The following ATG14 variants were observed in gnomAD, a reference collection of about 807,000 sequenced individuals.
ATG14 encodes beclin 1-associated autophagy-related key regulator.
Under a neutral mutation model 60.4 loss-of-function variants are expected in ATG14, and 35 were observed. The ratio of observed to expected loss-of-function variants is 0.58; its 90% CI spans 0.44 to 0.77. ATG14 has a LOEUF of 0.77. Among genes scored for constraint, ATG14 ranks in the 30% least tolerant of loss-of-function variants. The probability of loss-of-function intolerance (pLI) is 0.00; values close to 1 mark genes in which losing one functional copy is unlikely to be tolerated. For missense variants in ATG14, 647 were observed against 626.3 expected (o/e 1.03, Z -0.35); for synonymous variants, 234 against 228.8 (o/e 1.02, Z -0.21).
At position 55,377,805 on chromosome 14, in the gene ATG14, A is replaced by T. The variant is rs1480946002; in HGVS notation, c.1172+14T>A. 2 of 1,547,966 alleles carry T rather than the reference A, an allele frequency of 1.3e-6. No individual in the cohort carries two copies. Among genetic ancestry groups the T allele is most frequent in the East Asian group, 4.5e-5 (2 of 44,504 alleles). ...ACAAAAACACTTAGAGAAAAGCAAC[A>T]AATATCTTCTTACCTGCCTAGGTGT... On this transcript the variant is annotated intron_variant, in intron 9 of 9. Coordinates refer to ENST00000247178, the MANE Select transcript of ATG14 (RefSeq NM_014924.5).
At chr14:55,380,875 A>ATATT (rs377330757) in intron 6 of ATG14, among the ~76,000 whole-genome samples, 185 bp from the exon 7 acceptor site, 5 of 112,728 alleles carry the variant, frequency 4.4e-5, no homozygotes, top group South Asian at 2.9e-4. Context: ...ATATATATAT[A>ATATT]TTTTTTTTTT....
At chr14:55,384,825 G>A (rs1219907007) in intron 5 of ATG14, among the ~76,000 whole-genome samples, 3 of 152,196 alleles carry the variant, frequency 2.0e-5, no homozygotes, top group Admixed American at 6.5e-5. Context: ...GGGAATAAAC[G>A]GAAGCCTTCG....
Position 55,381,953 on chromosome 14 carries a change from G to A in ATG14, c.877+9C>T, listed in dbSNP as rs772528327. The A allele has an allele frequency of 1.2e-6, 2 of 1,606,016 alleles. No homozygotes were observed. Among genetic ancestry groups the A allele is most frequent in the Non-Finnish European group, 1.7e-6 (2 of 1,172,734 alleles). On this transcript the variant is annotated intron_variant, in intron 6 of 9. Coordinates refer to ENST00000247178, the MANE Select transcript of ATG14 (RefSeq NM_014924.5). ...ATATATAGATTTCAAAGGATATGCT[G>A]CTTCTCACCAGGCCCCTGGGTTGTT...
rs1293455961 is a variant in ATG14, at chr14:55,366,883, C to G, written c.*2736G>C. 1 of 151,884 alleles carries G rather than the reference C, an allele frequency of 6.6e-6. No individual in the cohort carries two copies. Among genetic ancestry groups the G allele is most frequent in the Non-Finnish European group, 1.5e-5 (1 of 68,032 alleles). 9.4% of individuals were successfully genotyped at this position (151,884 alleles called of 1,614,324 possible). ...TGAGCAGCAAAAAGAGTAGAAAAAA[C>G]AGTGGTTGAAATGTATACTTAAGAG... On this transcript the variant is annotated 3_prime_UTR_variant, in exon 10 of 10. Transcript: ENST00000247178.
At chr14:55,401,633 C>G (rs1436283798) in intron 1 of ATG14, among the ~76,000 whole-genome samples, 3 of 152,136 alleles carry the variant, frequency 2.0e-5, no homozygotes, top group Non-Finnish European at 4.4e-5. Flanking sequence ...TTCTTCCATA[C>G]TTTTATGACT....
In ATG14 at chr14:55,369,708, G is replaced by A; in HGVS notation, c.1390C>T (p.Pro464Ser). 4 of 1,610,590 alleles carry A rather than the reference G, an allele frequency of 2.5e-6. No homozygotes were observed. The highest frequency in any genetic ancestry group is 3.4e-6 in the Non-Finnish European group (4 of 1,177,524). The change falls in exon 10 of 10, where the codon CCC (proline) becomes TCC (serine). Residue 464 changes from proline to serine, a missense_variant. By Grantham distance (74) the Pro-to-Ser change is moderately conservative. Coordinates refer to ENST00000247178, the MANE Select transcript of ATG14 (RefSeq NM_014924.5). ...CCACCTGCACTGCTGCTCGCGATGG[G>A]TGGGGACGCCTGGGTGCTCTGACTC... The part of the protein sequence containing the change: ...SQSQSTQASP[P>S]IASSSAGGMI...
intron 1 of ATG14, among the ~76,000 whole-genome samples, chr14:55,402,987 G>T (rs1470615707): frequency 1.8e-5 from 2 of 110,398 alleles, no homozygotes; most frequent in Non-Finnish European, 3.5e-5. Flanking sequence ...GGGCATAGTG[G>T]TGCATGGCTA....
chr14:55,369,587 A>G lies in ATG14; in HGVS notation c.*32T>C. ...GTGTAGTGGGAGAAGAACTTTCTTGATGCAGATTTGGTATGTTTTGGTCCA... is the reference window on the plus strand; with the variant it reads ...GTGTAGTGGGAGAAGAACTTTCTTGGTGCAGATTTGGTATGTTTTGGTCCA... On this transcript the variant is annotated 3_prime_UTR_variant, in exon 10 of 10. Transcript: ENST00000247178. 6.8e-7 allele frequency: 1 copy of G among 1,460,912 alleles called. No individual in the cohort carries two copies. Among genetic ancestry groups the G allele is most frequent in the Non-Finnish European group, 9.1e-7 (1 of 1,099,622 alleles). The allele number at this position is 1,460,912 out of a possible 1,614,324, so 90.5% of individuals were successfully genotyped here.
intron 1 of ATG14, among the ~76,000 whole-genome samples, chr14:55,399,643 A>C (rs1353494705): frequency 1.3e-5 from 2 of 152,232 alleles, no homozygotes; most frequent in Non-Finnish European, 2.9e-5. Flanking sequence ...TTGTATCAAA[A>C]ATGAGAGACT....
At chr14:55,388,083 G>GC (rs564622478) in intron 4 of ATG14, among the ~76,000 whole-genome samples, 5 of 152,192 alleles carry the variant, frequency 3.3e-5, no homozygotes, top group Non-Finnish European at 7.4e-5. Context: ...GTTGCAGTGA[G>GC]CCGAGATCGT....
At chr14:55,377,773 A>G (rs761676999) in intron 9 of ATG14, 46 bp downstream of exon 9, 1 of 1,394,038 alleles carries the variant, frequency 7.2e-7, no homozygotes, top group Admixed American at 2.2e-5. Context: ...CTCCTCTAAC[A>G]GGATTCACAA....
chr14:55,398,542 A>G (rs1236248652), intron 1 of ATG14, among the ~76,000 whole-genome samples: 3 of 152,164 alleles, frequency 2.0e-5, no homozygotes, highest in Non-Finnish European at 2.9e-5. Context: ...TTAGAAGCAT[A>G]TTGTTTAATT....
At chr14:55,386,132 G>A (rs531720846) in intron 4 of ATG14, 36 bp from the exon 5 acceptor site, 76 of 1,558,574 alleles carry the variant, frequency 4.9e-5, no homozygotes, top group African/African-American at 4.7e-4. Flanking sequence ...AATTATCTCT[G>A]CAAACAGTTC....
intron 1 of ATG14, among the ~76,000 whole-genome samples, chr14:55,409,283 CTG>C (rs1271443159): frequency 6.6e-6 from 1 of 152,102 alleles, no homozygotes; most frequent in Non-Finnish European, 1.5e-5. Flanking sequence ...GGTCTAGAAA[CTG>C]AGTTTGGGAA....
At chr14:55,388,175 A>C (rs1396654804) in intron 4 of ATG14, among the ~76,000 whole-genome samples, 2 of 152,188 alleles carry the variant, frequency 1.3e-5, no homozygotes, top group African/African-American at 4.8e-5. Flanking sequence ...CATCCTGCTT[A>C]ATGTGAATGT....
At chr14:55,378,767 T>C (rs1884970162) in intron 7 of ATG14, among the ~76,000 whole-genome samples, 2 of 152,260 alleles carry the variant, frequency 1.3e-5, no homozygotes, top group Middle Eastern at 6.8e-3. Flanking sequence ...GGCATGATCA[T>C]AGCTCACTAC....
chr14:55,370,222 T>A, intron 9 of ATG14, among the ~76,000 whole-genome samples: 1 of 152,218 alleles, frequency 6.6e-6, no homozygotes, highest in East Asian at 1.9e-4. Flanking sequence ...CCCATGCTGG[T>A]CCTAAGTCTG....
chr14:55,368,729 C>T lies in ATG14; in HGVS notation c.*890G>A, dbSNP rs941026802. On this transcript the variant is annotated 3_prime_UTR_variant, in exon 10 of 10. Coordinates refer to ENST00000247178, the MANE Select transcript of ATG14 (RefSeq NM_014924.5). Reference sequence around the variant, plus strand: ...ACACCACAAGAATGACCAGAGGCCACTTAACTAAGTGGCTTTTCCCCTGTG... The same window carrying T: ...ACACCACAAGAATGACCAGAGGCCATTTAACTAAGTGGCTTTTCCCCTGTG... 1 of 152,198 alleles carries T rather than the reference C, an allele frequency of 6.6e-6. No homozygotes were observed. The highest frequency in any genetic ancestry group is 1.5e-5 in the Non-Finnish European group (1 of 68,044). 9.4% of individuals were successfully genotyped at this position (152,198 alleles called of 1,614,324 possible). A position where few individuals can be genotyped will look rare whatever the true frequency, so the allele number is the denominator to read the frequency against.
intron 7 of ATG14, among the ~76,000 whole-genome samples, chr14:55,379,669 GTAGTAGGAAGA>G (rs1176721575): frequency 6.6e-6 from 1 of 152,176 alleles, no homozygotes. Context: ...TAGTTGGAGG[GTAGTAGGAAGA>G]TTGTAGTGCA....
Sources: gnomAD v4.1 joint callset for allele counts (sites outside exome capture counted in the v4.1 genomes callset) on GRCh38, gnomAD v4.1.1 for gene constraint, MANE v1.5 for transcripts, NCBI Gene and HGNC (gene_info 2026-07-23, HGNC 2026-07-21) for gene names.